Variants in POU2F2 observed in about 807,000 individuals in gnomAD.
POU2F2 encodes POU domain, class 2, transcription factor 2.
In POU2F2, 14 loss-of-function variants were observed where a neutral mutation model predicts 63.5. The observed-to-expected ratio is 0.22, with a 90% CI of 0.15 to 0.34. The LOEUF is 0.34. Ranked by LOEUF, POU2F2 falls within the 10% of genes least tolerant of loss-of-function variation. The probability of loss-of-function intolerance (pLI) is 1.00; values close to 1 mark genes in which losing one functional copy is unlikely to be tolerated. For missense variants in POU2F2, 607 were observed against 815.2 expected (o/e 0.74, Z 3.11); for synonymous variants, 306 against 348.6 (o/e 0.88, Z 1.36).
intron 1 of POU2F2, among the ~76,000 whole-genome samples, chr19:42,173,246 C>T (rs772541450): frequency 3.3e-5 from 5 of 152,302 alleles, no homozygotes; most frequent in Non-Finnish European, 7.4e-5. Context: ...CCATCTCCAT[C>T]CTGAAATATC....
intron 4 of POU2F2, among the ~76,000 whole-genome samples, chr19:42,121,762 T>C (rs923056873): frequency 6.6e-6 from 1 of 152,166 alleles, no homozygotes; most frequent in Non-Finnish European, 1.5e-5. Context: ...CCTCAACTGG[T>C]ACCAGCCCCC....
upstream of POU2F2, chr19:42,132,787 A>G (rs1398947484): frequency 4.0e-6 from 1 of 251,274 alleles, no homozygotes; most frequent in Non-Finnish European, 7.6e-6. Context: ...TAACAACAAT[A>G]AAACACTAGC....
At chr19:42,106,006 T>TCTTG (rs1491116276) in intron 5 of POU2F2, among the ~76,000 whole-genome samples, 1 of 123,618 alleles carries the variant, frequency 8.1e-6, no homozygotes, top group Admixed American at 7.7e-5. Flanking sequence ...CTTTTTTCTT[T>TCTTG]CTTTCTTTCT....
Position 42,092,152 on chromosome 19 carries a change from G to T in POU2F2, c.1383C>A (p.Pro461=), listed in dbSNP as rs907758563. 2 of 1,584,136 alleles carry T rather than the reference G, an allele frequency of 1.3e-6. No individual in the cohort carries two copies. The highest frequency in any genetic ancestry group is 1.8e-5 in the Admixed American group (1 of 54,810). ...LNSIPSVTPP[P]PATTNSTNPS... ...GGTTTGTGCTGTTGGTGGTGGCCGG[G>T]GGTGGGGGAGTGACAGAGGGGATGG... The change falls in exon 13 of 15, where the codon CCC becomes CCA. Residue 461 remains proline, a synonymous_variant. Coordinates refer to ENST00000692977, the MANE Select transcript of POU2F2 (RefSeq NM_001394376.1). The surrounding 1 kb of genome is among the most constrained non-coding windows in gnomAD (Gnocchi z 5.0).
At chr19:42,104,881 C>T (rs1223313364) in intron 5 of POU2F2, among the ~76,000 whole-genome samples, 2 of 152,168 alleles carry the variant, frequency 1.3e-5, no homozygotes, top group Admixed American at 1.3e-4. Flanking sequence ...CCTGGGGGTG[C>T]CTCTGCTTAT....
chr19:42,139,276 C>T (rs1255837875), intron 2 of POU2F2, among the ~76,000 whole-genome samples: 1 of 152,080 alleles, frequency 6.6e-6, no homozygotes, highest in Non-Finnish European at 1.5e-5. Flanking sequence ...GCTGAGATCA[C>T]ACCACTCTAC....
Position 42,155,832 on chromosome 19 carries a change from AG to A in POU2F2, c.-9+4499del, listed in dbSNP as rs935999212. On this transcript the variant is annotated intron_variant, in intron 2 of 6. Transcript: ENST00000524801. This position sits in a 1 kb window ranked among gnomAD's most constrained non-coding sequence, Gnocchi z 4.2. ...CAGCTCAGAAAAAAAGGAGCTGACC[AG>A]GGAGGAATGGAGAGGCCAAGACACA... 6.6e-6 allele frequency: 1 copy of A among 152,374 alleles called. No homozygotes were observed. Among genetic ancestry groups the A allele is most frequent in the African/African-American group, 2.4e-5 (1 of 41,432 alleles). 9.4% of individuals were successfully genotyped at this position (152,374 alleles called of 1,614,324 possible).
intron 1 of POU2F2, among the ~76,000 whole-genome samples, chr19:42,126,559 G>A (rs1024170383): frequency 2.0e-5 from 3 of 152,152 alleles, no homozygotes; most frequent in Admixed American, 6.5e-5. Flanking sequence ...AGAGGCCTTG[G>A]AAGAGACCAA....
At chr19:42,099,972 C>T (rs1028936153) in intron 5 of POU2F2, 151 bp from the exon 6 acceptor site, 9 of 653,640 alleles carry the variant, frequency 1.4e-5, no homozygotes, top group African/African-American at 1.3e-4. Context: ...CACTCGGTCT[C>T]TGAATGGCAT....
chr19:42,171,501 G>A (rs1443002418), intron 1 of POU2F2, among the ~76,000 whole-genome samples: 2 of 150,172 alleles, frequency 1.3e-5, no homozygotes, highest in African/African-American at 4.9e-5. Context: ...TTGGTGTATT[G>A]GCCTGGGCTT....
At chr19:42,150,874 G>C (rs1224784371) in intron 2 of POU2F2, among the ~76,000 whole-genome samples, 1 of 152,074 alleles carries the variant, frequency 6.6e-6, no homozygotes, top group East Asian at 1.9e-4. Flanking sequence ...TGCTGGCTCT[G>C]GGATGAGCCC....
intron 14 of POU2F2, 73 bp from the exon 15 acceptor site, chr19:42,091,664 C>T: frequency 6.5e-7 from 1 of 1,549,768 alleles, no homozygotes; most frequent in African/African-American, 1.4e-5. Flanking sequence ...CAGCATCCTG[C>T]CCAGAGTGCC....
At chr19:42,167,519 T>C (rs1424881933) in intron 1 of POU2F2, among the ~76,000 whole-genome samples, 2 of 149,292 alleles carry the variant, frequency 1.3e-5, no homozygotes, top group African/African-American at 2.5e-5. Flanking sequence ...TCAGAGAAGG[T>C]AGATTTTGAC....
In POU2F2 at chr19:42,088,130, G is replaced by A. The variant is rs1296070607; in HGVS notation, c.*3127C>T. 6.6e-6 allele frequency: 1 copy of A among 152,254 alleles called. No homozygotes were observed. The highest frequency in any genetic ancestry group is 1.5e-5 in the Non-Finnish European group (1 of 68,058). The allele number at this position is 152,254 out of a possible 1,614,324, so 9.4% of individuals were successfully genotyped here. A position where few individuals can be genotyped will look rare whatever the true frequency, so the allele number is the denominator to read the frequency against. On this transcript the variant is annotated 3_prime_UTR_variant, in exon 15 of 15. Coordinates refer to ENST00000692977, the MANE Select transcript of POU2F2 (RefSeq NM_001394376.1). ...GGTGCCTTATCTCGAGTCCTCAGGG[G>A]AGGGGGGCCCAGGGGGAGACCTGGG...
Position 42,117,200 on chromosome 19 carries a change from G to A in POU2F2, c.369+50C>T. ...TTCATCCACTAGCCCTGTAACAGAT[G>A]AGGGGTGGCTGGTTTGTCCCCTCGT... On this transcript the variant is annotated intron_variant, in intron 5 of 14. Coordinates refer to ENST00000692977, the MANE Select transcript of POU2F2 (RefSeq NM_001394376.1). This position sits in a 1 kb window ranked among gnomAD's most constrained non-coding sequence, Gnocchi z 4.4. 4 of 1,358,624 alleles carry A rather than the reference G, an allele frequency of 2.9e-6. No individual in the cohort carries two copies. Among genetic ancestry groups the A allele is most frequent in the Non-Finnish European group, 3.9e-6 (4 of 1,014,278 alleles). The allele number at this position is 1,358,624 out of a possible 1,614,324, so 84.2% of individuals were successfully genotyped here.
chr19:42,137,404 G>A (rs2034036676), upstream of POU2F2, among the ~76,000 whole-genome samples: 1 of 151,804 alleles, frequency 6.6e-6, no homozygotes, highest in Non-Finnish European at 1.5e-5. Flanking sequence ...GTAATTCTAA[G>A]TTAGGAAAAG....
intron 5 of POU2F2, among the ~76,000 whole-genome samples, chr19:42,101,687 A>G (rs2077147774): frequency 6.6e-6 from 1 of 152,186 alleles, no homozygotes; most frequent in Admixed American, 6.5e-5. Flanking sequence ...GGCGCTATCT[A>G]AGAAAACTGG....
At chr19:42,133,998 C>G (rs1365282119), upstream of POU2F2, among the ~76,000 whole-genome samples, 3 of 152,166 alleles carry the variant, frequency 2.0e-5, no homozygotes, top group African/African-American at 7.2e-5. This position sits in a 1 kb window ranked among gnomAD's most constrained non-coding sequence, Gnocchi z 5.1. Flanking sequence ...GGCATCTACA[C>G]TCCACAACAT....
chr19:42,098,427 AAAC>A (rs2077005649), intron 7 of POU2F2, among the ~76,000 whole-genome samples: 1 of 151,874 alleles, frequency 6.6e-6, no homozygotes, highest in Non-Finnish European at 1.5e-5. Context: ...AAAAAAAAAA[AAAC>A]AAAAAGAAAG....
Sources: allele counts gnomAD v4.1 joint callset (sites outside exome capture counted in the v4.1 genomes callset), GRCh38; gene constraint gnomAD v4.1.1; non-coding constraint Gnocchi (gnomAD v3.1); transcripts MANE v1.5; gene names NCBI Gene and HGNC (gene_info 2026-07-23, HGNC 2026-07-21).